Variants in CROCC2 observed in about 807,000 individuals in gnomAD.
CROCC2 encodes ciliary rootlet coiled-coil protein 2.
A neutral mutation model predicts 177.6 loss-of-function variants in CROCC2; 163 were observed. That is an observed-to-expected ratio of 0.92 (90% CI 0.81 to 1.05). The LOEUF (loss-of-function observed/expected upper bound fraction) is 1.05, where lower values mean the gene tolerates loss of function less well. CROCC2 is among the 50% of genes least tolerant of loss of function. The pLI is 0.00. For synonymous variants in CROCC2, 904 were observed against 787.3 expected (o/e 1.15, Z -2.48); for missense variants, 1,929 against 1,797.8 (o/e 1.07, Z -1.32).
At chr2:240,911,287 C>T (rs1050637909) in intron 1 of CROCC2, among the ~76,000 whole-genome samples, 2 of 143,104 alleles carry the variant, frequency 1.4e-5, no homozygotes, top group African/African-American at 2.5e-5. Context: ...CCACCATCCA[C>T]GTCCACAACT....
In CROCC2 at chr2:240,956,463, G is replaced by C. The variant is rs145031833; in HGVS notation, c.2943+491G>C. On this transcript the variant is annotated intron_variant, in intron 19 of 31. Coordinates refer to ENST00000690015, the MANE Select transcript of CROCC2 (RefSeq NM_001351305.2). The stretch of plus-strand genomic sequence containing the variant: ...GGAAAGGACACCCACATTGAGTCCT[G>C]AGCGGAGCCAGGAGAGAAGCGTCCG... 4.7e-3 allele frequency: 755 copies of C among 162,232 alleles called. 5 individuals carry two copies. The highest frequency in any genetic ancestry group is 0.01 in the Admixed American group (174 of 17,216). 10.0% of individuals were successfully genotyped at this position (162,232 alleles called of 1,614,324 possible).
chr2:240,963,309 C>T (rs528271748), intron 20 of CROCC2: 4 of 512,628 alleles, frequency 7.8e-6, no homozygotes, highest in South Asian at 7.2e-5. Context: ...AGCGTGGGGC[C>T]GGGCCCAGGG....
At chr2:240,975,929 T>C (rs373368224) in intron 27 of CROCC2, among the ~76,000 whole-genome samples, 12 of 151,908 alleles carry the variant, frequency 7.9e-5, no homozygotes, top group Admixed American at 1.3e-4. Context: ...TGGGGCTTCA[T>C]TGTGTTGTCC....
chr2:240,958,206 A>C lies in CROCC2; in HGVS notation c.2944-1095A>C. 1 of 984,892 alleles carries C rather than the reference A, an allele frequency of 1.0e-6. No individual in the cohort carries two copies. Among genetic ancestry groups the C allele is most frequent in the Non-Finnish European group, 1.2e-6 (1 of 829,500 alleles). 61.0% of individuals were successfully genotyped at this position (984,892 alleles called of 1,614,324 possible). Reference sequence around the variant, plus strand: ...ACAGCGTGCGCCCCTAGGCTGAGTCACCACTGCCATCGGGCTCCCAGCCGA... The same window carrying C: ...ACAGCGTGCGCCCCTAGGCTGAGTCCCCACTGCCATCGGGCTCCCAGCCGA... On this transcript the variant is annotated intron_variant, in intron 19 of 31. Coordinates refer to ENST00000690015, the MANE Select transcript of CROCC2 (RefSeq NM_001351305.2). The surrounding 1 kb of genome is among the most constrained non-coding windows in gnomAD (Gnocchi z 6.7).
intron 13 of CROCC2, 108 bp downstream of exon 13, chr2:240,935,170 C>G: frequency 7.8e-7 from 1 of 1,281,652 alleles, no homozygotes; most frequent in Non-Finnish European, 1.0e-6. Context: ...ACTTCCTCTC[C>G]TGGTTTGAGG....
At chr2:240,914,450 G>A (rs1250784847) in intron 1 of CROCC2, among the ~76,000 whole-genome samples, 1 of 152,236 alleles carries the variant, frequency 6.6e-6, no homozygotes, top group African/African-American at 2.4e-5. Context: ...TTTCCACTGA[G>A]CACTGGTCCG....
At chr2:240,912,289 G>A (rs2059293545) in intron 1 of CROCC2, among the ~76,000 whole-genome samples, 1 of 152,136 alleles carries the variant, frequency 6.6e-6, no homozygotes, top group Non-Finnish European at 1.5e-5. Flanking sequence ...ACCATCCAGA[G>A]CGGGCACAGA....
chr2:240,949,199 A>G lies in CROCC2; in HGVS notation c.2482+102A>G. 1 of 1,444,230 alleles carries G rather than the reference A, an allele frequency of 6.9e-7. No individual in the cohort carries two copies. Among genetic ancestry groups the G allele is most frequent in the South Asian group, 1.5e-5 (1 of 67,546 alleles). 89.5% of individuals were successfully genotyped at this position (1,444,230 alleles called of 1,614,324 possible). A position where few individuals can be genotyped will look rare whatever the true frequency, so the allele number is the denominator to read the frequency against. On this transcript the variant is annotated intron_variant, in intron 16 of 31. Coordinates refer to ENST00000690015, the MANE Select transcript of CROCC2 (RefSeq NM_001351305.2). This position sits in a 1 kb window ranked among gnomAD's most constrained non-coding sequence, Gnocchi z 4.5. ...CACACGTGCTGCACCCCCTCTCCGG[A>G]GCCCACAGGGGCATGAACATGAGCT...
chr2:240,922,485 C>T, intron 3 of CROCC2, 54 bp from the exon 4 acceptor site: 1 of 652,452 alleles, frequency 1.5e-6, no homozygotes, highest in Non-Finnish European at 2.8e-6. Context: ...GCCCCAGCCC[C>T]TGCCTGGCGG....
In CROCC2 at chr2:240,960,871, C is replaced by A. The variant is rs977045714; in HGVS notation, c.3087+1427C>A. 2.0e-5 allele frequency among the ~76,000 whole-genome samples: 3 copies of A among 147,498 alleles called. No homozygotes were observed. The Admixed American group carries it at 2.1e-4, about 10-fold the overall frequency. On this transcript the variant is annotated intron_variant, in intron 20 of 31. Coordinates refer to ENST00000690015, the MANE Select transcript of CROCC2 (RefSeq NM_001351305.2). This position sits in a 1 kb window ranked among gnomAD's most constrained non-coding sequence, Gnocchi z 5.0. ...AGATTTCAAAGTCAGGCCCGGTCAG[C>A]GACCACACGGGGAAGCAAAACGAGA...
intron 31 of CROCC2, 91 bp from the exon 32 acceptor site, chr2:240,992,975 T>A: frequency 1.5e-6 from 1 of 684,374 alleles, no homozygotes; most frequent in Non-Finnish European, 2.7e-6. Context: ...GGCAGGAGAC[T>A]CAGCATCGGT....
chr2:240,934,885 T>C lies in CROCC2; in HGVS notation c.1792-31T>C, dbSNP rs1232030840. The C allele has an allele frequency of 8.9e-6, 13 of 1,462,012 alleles. No homozygotes were observed. In the South Asian group the frequency reaches 1.6e-4, roughly 18 times the overall value. 90.6% of individuals were successfully genotyped at this position (1,462,012 alleles called of 1,614,324 possible). A position where few individuals can be genotyped will look rare whatever the true frequency, so the allele number is the denominator to read the frequency against. On this transcript the variant is annotated intron_variant, in intron 12 of 31. Transcript: ENST00000690015. ...ACAGCCCTGCCCTGGAAGCTGAAGG[T>C]CCCTCCCTGGCATCCCCCTCCCTGC... is the stretch of plus-strand genomic sequence containing the variant.
At position 240,917,095 on chromosome 2, in the gene CROCC2, G is replaced by A. The variant is rs2059325720; in HGVS notation, c.79-1631G>A. 6.6e-6 allele frequency among the ~76,000 whole-genome samples: 1 copy of A among 152,160 alleles called. No homozygotes were observed. Among genetic ancestry groups the A allele is most frequent in the South Asian group, 2.1e-4 (1 of 4,836 alleles). On this transcript the variant is annotated intron_variant, in intron 1 of 31. Coordinates refer to ENST00000690015, the MANE Select transcript of CROCC2 (RefSeq NM_001351305.2). The surrounding 1 kb of genome is among the most constrained non-coding windows in gnomAD (Gnocchi z 4.9). Reference sequence around the variant, plus strand: ...CAATGGGGGAACCTGCAGTGAAGGCGCCTCCCAAGACCTCCCAGGGGACTG... The same window carrying A: ...CAATGGGGGAACCTGCAGTGAAGGCACCTCCCAAGACCTCCCAGGGGACTG...
intron 30 of CROCC2, among the ~76,000 whole-genome samples, chr2:240,990,697 C>A (rs1226172690): frequency 1.3e-5 from 2 of 152,214 alleles, no homozygotes; most frequent in Non-Finnish European, 2.9e-5. Flanking sequence ...ATTCTCCTGC[C>A]TCAGCCTCCA....
intron 12 of CROCC2, 44 bp downstream of exon 12, chr2:240,934,519 C>T (rs1271073136): frequency 6.6e-7 from 1 of 1,520,786 alleles, no homozygotes; most frequent in Non-Finnish European, 8.8e-7. Flanking sequence ...CCTGTCTGCC[C>T]CCACCCACCC....
chr2:240,911,610 T>C (rs1437494048), intron 1 of CROCC2, among the ~76,000 whole-genome samples: 3 of 152,170 alleles, frequency 2.0e-5, no homozygotes, highest in Non-Finnish European at 4.4e-5. Context: ...AGAACTTTCA[T>C]CTTCCCAAAC....
At chr2:240,939,795 T>C (rs1314485819) in intron 14 of CROCC2, among the ~76,000 whole-genome samples, 1 of 152,228 alleles carries the variant, frequency 6.6e-6, no homozygotes, top group Non-Finnish European at 1.5e-5. Flanking sequence ...ATGTGATTTA[T>C]TCTTTGCCCC....
chr2:240,961,922 C>T (rs376322832), intron 20 of CROCC2, among the ~76,000 whole-genome samples: 30 of 149,726 alleles, frequency 2.0e-4, no homozygotes, highest in African/African-American at 5.4e-4. Flanking sequence ...CACAGGCATA[C>T]GGACGTGCAC....
intron 28 of CROCC2, among the ~76,000 whole-genome samples, chr2:240,987,702 G>A (rs977537521): frequency 1.3e-5 from 2 of 152,250 alleles, no homozygotes; most frequent in South Asian, 4.1e-4. Flanking sequence ...GCCAGCACCC[G>A]ACAGAGGGCA....
Sources: allele counts gnomAD v4.1 joint callset (sites outside exome capture counted in the v4.1 genomes callset), GRCh38; gene constraint gnomAD v4.1.1; non-coding constraint Gnocchi (gnomAD v3.1); transcripts MANE v1.5; gene names NCBI Gene and HGNC (gene_info 2026-07-23, HGNC 2026-07-21).